Variants in ADARB2 observed in about 807,000 individuals in gnomAD.
ADARB2 encodes the protein inactive double-stranded RNA-specific editase B2.
ADARB2 carries 25 observed loss-of-function variants against 62.2 expected under a neutral mutation model. The observed-to-expected ratio is 0.40, with a 90% CI of 0.29 to 0.56. ADARB2 has a LOEUF of 0.56. Among genes scored for constraint, ADARB2 ranks in the 20% least tolerant of loss-of-function variants. ADARB2 has a pLI of 0.43. For synonymous variants in ADARB2, 572 were observed against 500.8 expected (o/e 1.14, Z -1.90); for missense variants, 1,071 against 1,077.4 (o/e 0.99, Z 0.08).
chr10:1,225,740 C>G, intron 6 of ADARB2, among the ~76,000 whole-genome samples: 1 of 149,132 alleles, frequency 6.7e-6, no homozygotes, highest in Non-Finnish European at 1.5e-5. Context: ...ATGTTGGTCC[C>G]CACTCTCTTC....
intron 1 of ADARB2, among the ~76,000 whole-genome samples, chr10:1,725,822 G>A (rs1262402737): frequency 6.6e-6 from 1 of 152,238 alleles, no homozygotes; most frequent in Non-Finnish European, 1.5e-5. Flanking sequence ...TAAGGAATCA[G>A]CTCATCCCGA....
intron 7 of ADARB2, among the ~76,000 whole-genome samples, chr10:1,208,040 G>A (rs543594375): frequency 6.6e-6 from 1 of 152,300 alleles, no homozygotes; most frequent in African/African-American, 2.4e-5. Context: ...GGCAGGGTTT[G>A]GTCTCCAGGG....
At chr10:1,352,188 G>A (rs1048452938) in intron 3 of ADARB2, among the ~76,000 whole-genome samples, 2 of 151,714 alleles carry the variant, frequency 1.3e-5, no homozygotes, top group African/African-American at 4.9e-5. Context: ...AAAAACACAC[G>A]TGCTCTCCCT....
chr10:1,407,924 C>A (rs75221687), intron 1 of ADARB2, among the ~76,000 whole-genome samples: 5,533 of 152,298 alleles, frequency 0.036, 163 homozygotes, highest in Middle Eastern at 0.082. Context: ...CCAATGCTTT[C>A]TTTGACTCTA....
chr10:1,492,724 G>A (rs1831638322), intron 1 of ADARB2, among the ~76,000 whole-genome samples: 1 of 152,054 alleles, frequency 6.6e-6, no homozygotes, highest in South Asian at 2.1e-4. Context: ...GGTGCTGGGG[G>A]ACCCCGGCCT....
chr10:1,654,931 C>T (rs1445221549), intron 1 of ADARB2, among the ~76,000 whole-genome samples: 2 of 152,206 alleles, frequency 1.3e-5, no homozygotes, highest in Admixed American at 6.5e-5. Flanking sequence ...AAGGTGCTGG[C>T]CAGCCCACGA....
intron 1 of ADARB2, among the ~76,000 whole-genome samples, chr10:1,708,990 G>A (rs1248412028): frequency 6.6e-6 from 1 of 152,108 alleles, no homozygotes; most frequent in East Asian, 1.9e-4. Context: ...GGCCACGCAG[G>A]GAACATTTTA....
intron 1 of ADARB2, among the ~76,000 whole-genome samples, chr10:1,567,163 G>A (rs1832869321): frequency 6.6e-6 from 1 of 152,108 alleles, no homozygotes; most frequent in South Asian, 2.1e-4. Context: ...GATGCTCAGA[G>A]GAAGTCTGTG....
At chr10:1,551,824 C>T (rs1832628058) in intron 1 of ADARB2, among the ~76,000 whole-genome samples, 1 of 152,270 alleles carries the variant, frequency 6.6e-6, no homozygotes, top group East Asian at 1.9e-4. Flanking sequence ...ACACAATGTA[C>T]CAAATAGACA....
At chr10:1,703,802 T>G (rs1217829022) in intron 1 of ADARB2, among the ~76,000 whole-genome samples, 2 of 152,216 alleles carry the variant, frequency 1.3e-5, no homozygotes, top group Non-Finnish European at 2.9e-5. Flanking sequence ...TTTGGCCATA[T>G]TAAGTCCACC....
intron 1 of ADARB2, among the ~76,000 whole-genome samples, chr10:1,552,804 G>A (rs542825832): frequency 6.6e-6 from 1 of 152,174 alleles, no homozygotes. Context: ...TGGTCCTGCC[G>A]GACACTCACC....
At chr10:1,253,036 G>A (rs1220204614) in intron 4 of ADARB2, among the ~76,000 whole-genome samples, 1 of 152,206 alleles carries the variant, frequency 6.6e-6, no homozygotes, top group Non-Finnish European at 1.5e-5. Context: ...GAGTTTAACA[G>A]GCTCTAGGGC....
intron 1 of ADARB2, chr10:1,675,484 C>T (rs1028208452): frequency 1.3e-5 from 13 of 978,586 alleles, no homozygotes; most frequent in African/African-American, 1.8e-5. Flanking sequence ...TTTGGGGGTA[C>T]ATGGATGTTC....
intron 4 of ADARB2, among the ~76,000 whole-genome samples, chr10:1,260,633 C>G (rs1441207663): frequency 1.3e-5 from 2 of 151,894 alleles, no homozygotes; most frequent in East Asian, 3.9e-4. Context: ...ATACAAACCA[C>G]TGATCAAGGA....
At chr10:1,610,590 G>A (rs1833556407) in intron 1 of ADARB2, among the ~76,000 whole-genome samples, 1 of 152,220 alleles carries the variant, frequency 6.6e-6, no homozygotes, top group African/African-American at 2.4e-5. Flanking sequence ...GCTGAGCCGG[G>A]AATAAGGGGC....
intron 1 of ADARB2, among the ~76,000 whole-genome samples, chr10:1,596,536 C>A (rs1833338213): frequency 6.6e-6 from 1 of 152,340 alleles, no homozygotes; most frequent in African/African-American, 2.4e-5. Context: ...GTGAAGCCCC[C>A]TGGAGAGGCC....
chr10:1,200,991 A>G (rs1836978242), intron 7 of ADARB2, among the ~76,000 whole-genome samples: 1 of 152,216 alleles, frequency 6.6e-6, no homozygotes, highest in Non-Finnish European at 1.5e-5. Flanking sequence ...GAGTCATTAC[A>G]TTTCCCTTCC....
chr10:1,594,251 A>C (rs1260620024), intron 1 of ADARB2, among the ~76,000 whole-genome samples: 1 of 152,186 alleles, frequency 6.6e-6, no homozygotes, highest in Admixed American at 6.5e-5. Flanking sequence ...AGATCGTGCC[A>C]CTGCACTCCA....
chr10:1,271,850 G>A (rs1308171234), intron 3 of ADARB2, among the ~76,000 whole-genome samples: 1 of 152,218 alleles, frequency 6.6e-6, no homozygotes, highest in Non-Finnish European at 1.5e-5. Context: ...AGTTTGGCTG[G>A]CATAGCCGTT....
Sources: gnomAD v4.1 joint callset for allele counts (sites outside exome capture counted in the v4.1 genomes callset) on GRCh38, gnomAD v4.1.1 for gene constraint, MANE v1.5 for transcripts, NCBI Gene and HGNC (gene_info 2026-07-23, HGNC 2026-07-21) for gene names.